Variants in EHBP1 observed in about 807,000 individuals in gnomAD.
EHBP1 encodes the protein EH domain binding protein 1.
EHBP1 carries 55 observed loss-of-function variants against 144.0 expected under a neutral mutation model. The observed-to-expected ratio is 0.38, with a 90% CI of 0.31 to 0.48. The LOEUF (loss-of-function observed/expected upper bound fraction) is 0.48. Among genes scored for constraint, EHBP1 ranks in the 20% least tolerant of loss-of-function variants. The pLI, the probability that EHBP1 is intolerant of heterozygous loss-of-function variation, is 0.98. For missense variants in EHBP1, 1,200 were observed against 1,364.2 expected (o/e 0.88, Z 1.90); for synonymous variants, 469 against 472.7 (o/e 0.99, Z 0.10).
At chr2:62,786,981 GT>G (rs1335676352) in intron 5 of EHBP1, among the ~76,000 whole-genome samples, 1 of 152,206 alleles carries the variant, frequency 6.6e-6, no homozygotes, top group African/African-American at 2.4e-5. Context: ...TAACTGCTAT[GT>G]TCCTTGTTAG....
At chr2:63,022,635 T>C (rs553015565) in intron 19 of EHBP1, among the ~76,000 whole-genome samples, 2 of 152,134 alleles carry the variant, frequency 1.3e-5, no homozygotes, top group South Asian at 4.2e-4. Flanking sequence ...GTTCTTCCAG[T>C]GGATGGTAGA....
At chr2:62,798,463 A>G (rs1041898764) in intron 5 of EHBP1, among the ~76,000 whole-genome samples, 2 of 152,112 alleles carry the variant, frequency 1.3e-5, no homozygotes, top group African/African-American at 2.4e-5. Flanking sequence ...AGAGACTAGT[A>G]TACTAGTTGT....
intron 5 of EHBP1, among the ~76,000 whole-genome samples, chr2:62,796,851 A>G (rs1368630542): frequency 6.7e-6 from 1 of 150,334 alleles, no homozygotes; most frequent in Non-Finnish European, 1.5e-5. Flanking sequence ...TTAAATTTCT[A>G]AGACCAAACA....
intron 21 of EHBP1, among the ~76,000 whole-genome samples, chr2:63,039,379 A>G (rs914030749): frequency 3.9e-5 from 6 of 152,208 alleles, no homozygotes; most frequent in African/African-American, 1.4e-4. Context: ...CATGGTTCAT[A>G]TATCAGTAAA....
intron 5 of EHBP1, among the ~76,000 whole-genome samples, chr2:62,782,226 G>A (rs997523222): frequency 5.3e-5 from 8 of 152,206 alleles, no homozygotes; most frequent in East Asian, 1.9e-4. Context: ...TGAGGGATAC[G>A]CGTGTGAGAC....
chr2:62,978,256 A>G (rs1015729747), intron 14 of EHBP1, among the ~76,000 whole-genome samples: 1 of 147,482 alleles, frequency 6.8e-6, no homozygotes, highest in Non-Finnish European at 1.5e-5. Flanking sequence ...GCTGGAGTGC[A>G]GTGGCGTGAT....
At chr2:62,855,060 G>A (rs566124743) in intron 7 of EHBP1, among the ~76,000 whole-genome samples, 108 of 152,318 alleles carry the variant, frequency 7.1e-4, no homozygotes, top group African/African-American at 2.3e-3. Flanking sequence ...GGCAGGAGCC[G>A]TAACCCCCCA....
At chr2:62,860,239 C>T (rs2049395180) in intron 8 of EHBP1, among the ~76,000 whole-genome samples, 1 of 152,150 alleles carries the variant, frequency 6.6e-6, no homozygotes, top group African/African-American at 2.4e-5. Context: ...CCTGTAATCT[C>T]AGCGCTTTGG....
intron 5 of EHBP1, among the ~76,000 whole-genome samples, chr2:62,776,576 A>G (rs2042066950): frequency 6.6e-6 from 1 of 152,200 alleles, no homozygotes; most frequent in Admixed American, 6.5e-5. Flanking sequence ...AATGATTTCT[A>G]GACTTTACTG....
At chr2:62,966,231 CTCTT>C in intron 14 of EHBP1, among the ~76,000 whole-genome samples, 2 of 152,096 alleles carry the variant, frequency 1.3e-5, no homozygotes, top group Admixed American at 1.3e-4. Flanking sequence ...CTGAAAATAC[CTCTT>C]AGAGGGGGGA....
At chr2:63,017,216 G>A (rs2060521722) in intron 19 of EHBP1, among the ~76,000 whole-genome samples, 1 of 152,158 alleles carries the variant, frequency 6.6e-6, no homozygotes, top group South Asian at 2.1e-4. Flanking sequence ...TAGAGATGGG[G>A]TTTCACCATG....
chr2:62,813,951 C>T (rs2045252527), intron 5 of EHBP1, among the ~76,000 whole-genome samples: 1 of 152,146 alleles, frequency 6.6e-6, no homozygotes. Context: ...TCACCAATAT[C>T]TGCTTTAGAT....
chr2:62,935,747 T>C (rs1232579815), intron 10 of EHBP1, among the ~76,000 whole-genome samples: 1 of 152,190 alleles, frequency 6.6e-6, no homozygotes, highest in African/African-American at 2.4e-5. Context: ...TGATAGATGC[T>C]CAATCTCAAA....
At chr2:62,827,737 G>A (rs528247768) in intron 6 of EHBP1, among the ~76,000 whole-genome samples, 24 of 151,386 alleles carry the variant, frequency 1.6e-4, no homozygotes, top group Non-Finnish European at 2.4e-4. Context: ...GCACGATCTC[G>A]GCTCACTGCA....
chr2:62,967,654 C>T (rs1000756111), intron 14 of EHBP1, among the ~76,000 whole-genome samples: 1 of 152,102 alleles, frequency 6.6e-6, no homozygotes, highest in Non-Finnish European at 1.5e-5. Context: ...CTTTCAAGTA[C>T]ATCTCAGGAA....
chr2:63,043,164 T>C (rs982157349), intron 21 of EHBP1, among the ~76,000 whole-genome samples: 2 of 152,184 alleles, frequency 1.3e-5, no homozygotes, highest in Non-Finnish European at 2.9e-5. Context: ...AGCCTATTAA[T>C]TTACCTGCTG....
At chr2:62,922,395 A>G (rs1407294750) in intron 10 of EHBP1, among the ~76,000 whole-genome samples, 1 of 152,204 alleles carries the variant, frequency 6.6e-6, no homozygotes, top group East Asian at 1.9e-4. Context: ...CTCCAAAGGT[A>G]GACTTTGGTG....
chr2:62,829,572 TGTGTG>T (rs987611672), intron 6 of EHBP1, among the ~76,000 whole-genome samples: 4 of 8,074 alleles, frequency 5.0e-4, no homozygotes, highest in Non-Finnish European at 1.2e-3. Flanking sequence ...TGTTCTATGT[TGTGTG>T]TGTGTGTGTG....
At chr2:62,789,970 A>G (rs1170768310) in intron 5 of EHBP1, among the ~76,000 whole-genome samples, 2 of 152,232 alleles carry the variant, frequency 1.3e-5, no homozygotes, top group Non-Finnish European at 2.9e-5. Context: ...CAGCGAATAT[A>G]ATTTGTTGAG....
Sources: allele counts gnomAD v4.1 joint callset (sites outside exome capture counted in the v4.1 genomes callset), GRCh38; gene constraint gnomAD v4.1.1; transcripts MANE v1.5; gene names NCBI Gene and HGNC (gene_info 2026-07-23, HGNC 2026-07-21).